The following KAT6B variants were observed in gnomAD, a reference collection of about 807,000 sequenced individuals.
KAT6B encodes the protein lysine acetyltransferase 6B.
Under a neutral mutation model 187.5 loss-of-function variants are expected in KAT6B, and 10 were observed. The observed-to-expected ratio is 0.05, with a 90% CI of 0.03 to 0.09. The LOEUF is 0.09. KAT6B is among the 10% of genes least tolerant of loss of function. KAT6B has a pLI of 1.00. For missense variants in KAT6B, 1,952 were observed against 2,558.9 expected, an observed-to-expected ratio of 0.76 and a Z score of 5.12; for synonymous variants, 861 against 926.8, an observed-to-expected ratio of 0.93 and a Z score of 1.29.
intron 3 of KAT6B, among the ~76,000 whole-genome samples, chr10:74,863,689 T>A (rs1294988355): frequency 6.6e-6 from 1 of 152,186 alleles, no homozygotes; most frequent in Admixed American, 6.5e-5. Context: ...TTTCTTTGAT[T>A]ACTAATGACT....
In KAT6B at chr10:74,972,659, A is replaced by G. The variant is rs1841923232; in HGVS notation, c.1061+20A>G. On this transcript the variant is annotated intron_variant, in intron 7 of 17. Transcript: ENST00000287239. ...ATTGTTGTAGGTTGAGATCTTATCA[A>G]AAGAAATCATTTATGTTTTGCTTTA... 6.2e-7 allele frequency: 1 copy of G among 1,606,280 alleles called. No individual in the cohort carries two copies. Among genetic ancestry groups the G allele is most frequent in the African/African-American group, 1.3e-5 (1 of 74,752 alleles).
chr10:74,829,078 GA>G (rs1020938041), intron 1 of KAT6B, among the ~76,000 whole-genome samples: 3 of 152,014 alleles, frequency 2.0e-5, no homozygotes, highest in African/African-American at 7.3e-5. Flanking sequence ...GGAATTTAGG[GA>G]ATGGCTGATG....
At chr10:74,984,194 A>G (rs1258715083) in intron 11 of KAT6B, 1 of 152,232 alleles carries the variant, frequency 6.6e-6, no homozygotes, top group Admixed American at 6.5e-5. Context: ...CGAGGGAAAT[A>G]GTTATATGAA....
chr10:74,953,070 T>C (rs1029207264), intron 3 of KAT6B, among the ~76,000 whole-genome samples: 3 of 151,920 alleles, frequency 2.0e-5, no homozygotes, highest in Non-Finnish European at 2.9e-5. Context: ...CTTTTCTTTC[T>C]CCAACATCTT....
chr10:75,026,860 G>T (rs1314004844), intron 17 of KAT6B, among the ~76,000 whole-genome samples: 1 of 152,150 alleles, frequency 6.6e-6, no homozygotes. Flanking sequence ...ATCCAGCCAG[G>T]CATGGTGGCT....
intron 3 of KAT6B, among the ~76,000 whole-genome samples, chr10:74,858,564 C>T (rs540687851): frequency 4.3e-4 from 66 of 152,040 alleles, no homozygotes; most frequent in African/African-American, 1.6e-3. Flanking sequence ...AAGTGAGAGC[C>T]GCTATGCCTG....
At position 75,030,417 on chromosome 10, in the gene KAT6B, C is replaced by G. The variant is rs770424556; in HGVS notation, c.5593C>G (p.Pro1865Ala). 17 of 1,614,126 alleles carry G rather than the reference C, an allele frequency of 1.1e-5. No homozygotes were observed. The highest frequency in any genetic ancestry group is 1.3e-5 in the Non-Finnish European group (15 of 1,180,054). ...NTGLVQLSQSPHSVPGGPQAQ... is the reference protein window; with the variant it reads ...NTGLVQLSQSAHSVPGGPQAQ... Reference sequence around the variant, plus strand: ...AGGGCTTGTTCAACTTTCTCAGTCTCCACACTCCGTCCCTGGGGGACCCCA... The same window carrying G: ...AGGGCTTGTTCAACTTTCTCAGTCTGCACACTCCGTCCCTGGGGGACCCCA... The change falls in exon 18 of 18, where the codon CCA (proline) becomes GCA (alanine). Residue 1865 changes from proline to alanine, a missense_variant. Physicochemically the swap from Pro to Ala is conservative, Grantham distance 27 (BLOSUM62 -1). Coordinates refer to ENST00000287239, the MANE Select transcript of KAT6B (RefSeq NM_012330.4). This position sits in a 1 kb window ranked among gnomAD's most constrained non-coding sequence, Gnocchi z 4.8.
In KAT6B at chr10:75,009,625, T is replaced by C. The variant is rs1387513519; in HGVS notation, c.2630-10957T>C. Reference sequence around the variant, plus strand: ...TAGTCATTGCTGTCTTTAATGCTGCTGGTGACGATACTGCATATGTGTTTG... The same window carrying C: ...TAGTCATTGCTGTCTTTAATGCTGCCGGTGACGATACTGCATATGTGTTTG... On this transcript the variant is annotated intron_variant, in intron 13 of 17. Coordinates refer to ENST00000287239, the MANE Select transcript of KAT6B (RefSeq NM_012330.4). 2.6e-5 allele frequency among the ~76,000 whole-genome samples: 4 copies of C among 152,210 alleles called. 1 individual carries two copies. The highest frequency in any genetic ancestry group is 1.5e-5 in the Non-Finnish European group (1 of 68,046).
intron 3 of KAT6B, among the ~76,000 whole-genome samples, chr10:74,843,879 T>C (rs747206557): frequency 6.6e-6 from 1 of 152,238 alleles, no homozygotes; most frequent in Non-Finnish European, 1.5e-5. Context: ...TATTTTACTA[T>C]TATTATTTTT....
chr10:74,975,039 G>T (rs1333058879), intron 7 of KAT6B, among the ~76,000 whole-genome samples: 1 of 152,116 alleles, frequency 6.6e-6, no homozygotes, highest in African/African-American at 2.4e-5. Context: ...CTTTAAAAAA[G>T]ACATTTCAGG....
intron 3 of KAT6B, among the ~76,000 whole-genome samples, chr10:74,865,310 GGA>G (rs1843477646): frequency 6.6e-6 from 1 of 152,170 alleles, no homozygotes; most frequent in African/African-American, 2.4e-5. Context: ...CAGAAGAAAA[GGA>G]GAGTCTTACA....
At chr10:74,928,634 C>G (rs1357252148) in intron 3 of KAT6B, among the ~76,000 whole-genome samples, 1 of 152,104 alleles carries the variant, frequency 6.6e-6, no homozygotes, top group Non-Finnish European at 1.5e-5. Context: ...AAATTCTTAG[C>G]TCACTTATGT....
At chr10:74,973,056 A>C (rs1841946545) in intron 7 of KAT6B, among the ~76,000 whole-genome samples, 1 of 152,216 alleles carries the variant, frequency 6.6e-6, no homozygotes, top group Non-Finnish European at 1.5e-5. Flanking sequence ...TTAGAAAAAT[A>C]CCTCTCTCTT....
intron 3 of KAT6B, among the ~76,000 whole-genome samples, chr10:74,952,846 ATTTTTTTTTTT>A (rs34687036): frequency 7.7e-5 from 7 of 90,538 alleles, no homozygotes; most frequent in South Asian, 8.1e-4. Flanking sequence ...TGCCTGGCTA[ATTTTTTTTTTT>A]TTTTTTTTTT....
At chr10:74,900,792 G>GT (rs1226211972) in intron 3 of KAT6B, among the ~76,000 whole-genome samples, 2 of 152,176 alleles carry the variant, frequency 1.3e-5, no homozygotes, top group Admixed American at 6.5e-5. Context: ...ACAAAACAGC[G>GT]TAAGAATTAT....
chr10:74,906,126 A>G (rs1172265440), intron 3 of KAT6B, among the ~76,000 whole-genome samples: 2 of 152,218 alleles, frequency 1.3e-5, no homozygotes, highest in African/African-American at 4.8e-5. Context: ...TTGGCTGGGC[A>G]CAGTATCTCA....
chr10:74,845,447 G>C (rs998509958), intron 3 of KAT6B, among the ~76,000 whole-genome samples: 8 of 150,500 alleles, frequency 5.3e-5, no homozygotes, highest in African/African-American at 4.9e-5. Context: ...CCTTAAACCC[G>C]GGAGGCAGAC....
chr10:74,995,585 C>T (rs1843373530), intron 13 of KAT6B, among the ~76,000 whole-genome samples: 1 of 152,126 alleles, frequency 6.6e-6, no homozygotes, highest in African/African-American at 2.4e-5. Flanking sequence ...TCCTTTCTAA[C>T]ACAAAATGTA....
At chr10:74,886,123 G>A (rs995654021) in intron 3 of KAT6B, among the ~76,000 whole-genome samples, 1 of 152,214 alleles carries the variant, frequency 6.6e-6, no homozygotes, top group Admixed American at 6.5e-5. Context: ...GTTTGTGCAA[G>A]CACGATGGTT....
Sources: allele counts gnomAD v4.1 joint callset (sites outside exome capture counted in the v4.1 genomes callset), GRCh38; gene constraint gnomAD v4.1.1; non-coding constraint Gnocchi (gnomAD v3.1); transcripts MANE v1.5; gene names NCBI Gene and HGNC (gene_info 2026-07-23, HGNC 2026-07-21).